The following MDM1 variants were observed in gnomAD, a reference collection of about 807,000 sequenced individuals.
The protein encoded by MDM1 is Mdm1 nuclear protein.
In MDM1, 61 loss-of-function variants were observed where a neutral mutation model predicts 89.1. The ratio of observed to expected loss-of-function variants is 0.68; its 90% CI spans 0.56 to 0.85. The LOEUF (loss-of-function observed/expected upper bound fraction) is 0.85, where lower values mean the gene tolerates loss of function less well. MDM1 is among the 40% of genes least tolerant of loss of function. MDM1 has a pLI of 0.00. For missense variants in MDM1, 820 were observed against 846.5 expected, an observed-to-expected ratio of 0.97 and a Z score of 0.39; for synonymous variants, 290 against 294.1, an observed-to-expected ratio of 0.99 and a Z score of 0.14.
intron 14 of MDM1, among the ~76,000 whole-genome samples, chr12:68,296,695 G>A (rs970241779): frequency 6.6e-5 from 10 of 152,070 alleles, no homozygotes; most frequent in African/African-American, 2.2e-4. Flanking sequence ...GTGATGTCAG[G>A]CACAATCTCT....
intron 7 of MDM1, among the ~76,000 whole-genome samples, chr12:68,317,613 C>G (rs1224090582): frequency 6.6e-6 from 1 of 152,038 alleles, no homozygotes; most frequent in Admixed American, 6.6e-5. Flanking sequence ...GAAAAAAGTT[C>G]CTAAAGGATA....
In MDM1 at chr12:68,295,336, C is replaced by T. The variant is rs139465924; in HGVS notation, c.2093G>A (p.Arg698His). The change falls in exon 15 of 15, where the codon CGC (arginine) becomes CAC (histidine). Residue 698 changes from arginine to histidine, a missense_variant. Physicochemically the swap from Arg to His is conservative, Grantham distance 29. Coordinates refer to ENST00000682720, the MANE Select transcript of MDM1 (RefSeq NM_001354969.2). ...AGCCCGGAGACTAGAAGCTGCAGAG[C>T]GAGCAGAAATCTCAGACAATCTGTC... is the stretch of plus-strand genomic sequence containing the variant. ...DEDRLSEISA[R>H]SAASSLRAFQ... is the part of the protein sequence containing the mutation. 3.3e-5 allele frequency: 54 copies of T among 1,612,668 alleles called. No individual in the cohort carries two copies. The highest frequency in any genetic ancestry group is 4.2e-5 in the Non-Finnish European group (50 of 1,179,372).
In MDM1 at chr12:68,313,538, C is replaced by A. The variant is rs751540464; in HGVS notation, c.1654G>T (p.Val552Leu). 6.2e-7 allele frequency: 1 copy of A among 1,613,578 alleles called. No individual in the cohort carries two copies. The highest frequency in any genetic ancestry group is 8.5e-7 in the Non-Finnish European group (1 of 1,179,666). The stretch of plus-strand genomic sequence containing the variant: ...GGAGGCTTCATCTTAGATGGAGACA[C>A]TAAAACAGCACCACCTGGAAAAATA... ...TTPAVGGAVL[V>L]SPSKMKPPAP... The change falls in exon 12 of 15, where the codon GTG becomes TTG. Residue 552 changes from valine (V) to leucine (L), a missense_variant. Val to Leu is a conservative substitution (Grantham distance 32). Transcript: ENST00000682720.
intron 2 of MDM1, 175 bp from the exon 3 acceptor site, chr12:68,327,196 A>G (rs1266355235): frequency 1.4e-6 from 2 of 1,396,622 alleles, no homozygotes; most frequent in East Asian, 2.5e-5. Flanking sequence ...GCTTTTCAAC[A>G]TAAAATATTT....
rs548865860 is a variant in MDM1 at position 68,318,713 on chromosome 12, T to C, written c.1006-2103A>G. On this transcript the variant is annotated intron_variant, in intron 7 of 14. Coordinates refer to ENST00000682720, the MANE Select transcript of MDM1 (RefSeq NM_001354969.2). ...CAACTGCCAGAGCCACCAAAAAGGA[T>C]AGAAATAAACCATTCCCAACTCAAC... 2.6e-5 allele frequency among the ~76,000 whole-genome samples: 4 copies of C among 152,138 alleles called. No homozygotes were observed. The South Asian group carries it at 6.2e-4, about 24-fold the overall frequency.
chr12:68,305,670 A>C (rs1207592794), intron 12 of MDM1, among the ~76,000 whole-genome samples: 1 of 152,172 alleles, frequency 6.6e-6, no homozygotes, highest in Non-Finnish European at 1.5e-5. Flanking sequence ...CCAAAAATAA[A>C]GTACCTAGGA....
chr12:68,318,366 T>TCATC (rs1415161532), intron 7 of MDM1, among the ~76,000 whole-genome samples: 1 of 152,140 alleles, frequency 6.6e-6, no homozygotes, highest in Non-Finnish European at 1.5e-5. Context: ...ATGTACACAG[T>TCATC]CATCCAGTTT....
At chr12:68,318,444 ATTT>A (rs1874782207) in intron 7 of MDM1, among the ~76,000 whole-genome samples, 1 of 152,188 alleles carries the variant, frequency 6.6e-6, no homozygotes, top group Non-Finnish European at 1.5e-5. Context: ...GAAGACTTTG[ATTT>A]ATTCAGTTCT....
At chr12:68,306,966 TAAAGAA>T (rs1872975721) in intron 12 of MDM1, among the ~76,000 whole-genome samples, 2 of 152,174 alleles carry the variant, frequency 1.3e-5, no homozygotes, top group South Asian at 4.1e-4. Flanking sequence ...GTGGATTAGA[TAAAGAA>T]AATGTAGTAC....
At chr12:68,297,439 C>A (rs1484106823) in intron 13 of MDM1, among the ~76,000 whole-genome samples, 1 of 152,072 alleles carries the variant, frequency 6.6e-6, no homozygotes, top group Admixed American at 6.6e-5. Flanking sequence ...TATAACTATA[C>A]CCAAGTAAGT....
At chr12:68,305,394 A>G (rs549541361) in intron 12 of MDM1, among the ~76,000 whole-genome samples, 2 of 152,160 alleles carry the variant, frequency 1.3e-5, no homozygotes, top group Non-Finnish European at 2.9e-5. Flanking sequence ...TCAACATAGT[A>G]CTGAAGTCCT....
At position 68,332,345 on chromosome 12, in the gene MDM1, C is replaced by T. The variant is rs1876985484; in HGVS notation, c.-100G>A. On this transcript the variant is annotated 5_prime_UTR_variant, in exon 1 of 15. Transcript: ENST00000682720. ...AGTGTTCCCTAGCAAAGCCTCGGCC[C>T]GGCGTCCCCGACTACGCGCCGGCGC... The T allele has an allele frequency of 1.4e-6, 2 of 1,396,510 alleles. No individual in the cohort carries two copies. Among genetic ancestry groups the T allele is most frequent in the South Asian group, 2.9e-5 (2 of 69,622 alleles). The allele number at this position is 1,396,510 out of a possible 1,614,324, so 86.5% of individuals were successfully genotyped here. A position where few individuals can be genotyped will look rare whatever the true frequency, so the allele number is the denominator to read the frequency against.
At chr12:68,312,931 G>C (rs1251023244) in intron 12 of MDM1, among the ~76,000 whole-genome samples, 1 of 152,080 alleles carries the variant, frequency 6.6e-6, no homozygotes, top group East Asian at 1.9e-4. Flanking sequence ...TTCAGATCCT[G>C]CTTAAATGCC....
intron 12 of MDM1, among the ~76,000 whole-genome samples, chr12:68,304,609 AT>A (rs1353058416): frequency 1.3e-5 from 2 of 152,170 alleles, no homozygotes; most frequent in Non-Finnish European, 2.9e-5. Flanking sequence ...TTTTCTATAT[AT>A]ATGAACAAAA....
At chr12:68,323,284 T>A in intron 4 of MDM1, 44 bp from the exon 5 acceptor site, 1 of 1,419,850 alleles carries the variant, frequency 7.0e-7, no homozygotes, top group Non-Finnish European at 9.5e-7. Context: ...TGATTAAATA[T>A]GCGGAACTTT....
intron 13 of MDM1, among the ~76,000 whole-genome samples, chr12:68,301,642 C>A (rs920758903): frequency 5.9e-5 from 9 of 151,864 alleles, no homozygotes; most frequent in African/African-American, 1.9e-4. Context: ...AATTAGTAAC[C>A]CTTTCAAATT....
chr12:68,314,136 CA>C lies in MDM1; in HGVS notation c.1530-384del, dbSNP rs35410942. On this transcript the variant is annotated intron_variant, in intron 10 of 14. Transcript: ENST00000682720. ...TGGGTGACAGAGCGAAACTCCGTCT[CA>C]AAAAAAAAAAAAAAAAACTTGTAAG... Among the ~76,000 whole-genome samples, 307 of 87,550 alleles carry C rather than the reference CA, an allele frequency of 3.5e-3. 1 individual carries two copies. The highest frequency in any genetic ancestry group is 0.035 in the East Asian group (95 of 2,726). 57.4% of individuals were successfully genotyped at this position (87,550 alleles called of 152,430 possible).
intron 2 of MDM1, among the ~76,000 whole-genome samples, chr12:68,327,714 G>A (rs1876214925): frequency 1.3e-5 from 2 of 152,138 alleles, no homozygotes; most frequent in Admixed American, 1.3e-4. Context: ...ATTAAGACCA[G>A]AATGGAAAGG....
intron 12 of MDM1, among the ~76,000 whole-genome samples, chr12:68,307,479 T>A (rs539409715): frequency 6.6e-5 from 10 of 151,974 alleles, no homozygotes; most frequent in East Asian, 1.9e-4. Flanking sequence ...CTACAAAAAA[T>A]TTTTTTTAAA....
Sources: gnomAD v4.1 joint callset for allele counts (sites outside exome capture counted in the v4.1 genomes callset) on GRCh38, gnomAD v4.1.1 for gene constraint, MANE v1.5 for transcripts, NCBI Gene and HGNC (gene_info 2026-07-23, HGNC 2026-07-21) for gene names.